Variants in MYRF observed in about 807,000 individuals in gnomAD.
MYRF encodes myelin regulatory factor, also known as myelin gene regulatory factor.
Under a neutral mutation model 126.3 loss-of-function variants are expected in MYRF, and 16 were observed. The observed-to-expected ratio is 0.13, with a 90% CI of 0.09 to 0.19. The LOEUF is 0.19. Ranked by LOEUF, MYRF falls within the 10% of genes least tolerant of loss-of-function variation. The pLI, the probability that MYRF is intolerant of heterozygous loss-of-function variation, is 1.00. For synonymous variants in MYRF, 608 were observed against 635.3 expected (o/e 0.96, Z 0.65); for missense variants, 1,104 against 1,547.0 (o/e 0.71, Z 4.80).
Position 61,783,795 on chromosome 11 carries a change from G to C in MYRF, c.3120-56G>C. Reference sequence around the variant, plus strand: ...GATTGGGGGCTGAGGAGTCCCTGGTGGGGGTGGGGGGTGGCAGGGTACCCT... The same window carrying C: ...GATTGGGGGCTGAGGAGTCCCTGGTCGGGGTGGGGGGTGGCAGGGTACCCT... On this transcript the variant is annotated intron_variant, in intron 23 of 26. Coordinates refer to ENST00000278836, the MANE Select transcript of MYRF (RefSeq NM_001127392.3). This position sits in a 1 kb window ranked among gnomAD's most constrained non-coding sequence, Gnocchi z 4.6. 3 of 1,522,274 alleles carry C rather than the reference G, an allele frequency of 2.0e-6. No homozygotes were observed. Among genetic ancestry groups the C allele is most frequent in the Non-Finnish European group, 1.8e-6 (2 of 1,119,298 alleles). 94.3% of individuals were successfully genotyped at this position (1,522,274 alleles called of 1,614,324 possible).
Position 61,770,270 on chromosome 11 carries a change from C to G in MYRF, c.485C>G (p.Thr162Ser). ...GAGCCCCACCTCCTGCGCACGATAA[C>G]CCCTGAGACACTGTGCCACGTGGGA... is the stretch of plus-strand genomic sequence containing the variant. ...VNEPHLLRTITPETLCHVGVP... is the reference protein window; with the variant it reads ...VNEPHLLRTISPETLCHVGVP... Residue 162 changes from threonine to serine, a missense_variant, in exon 5 of 27, where the codon ACC becomes AGC. Physicochemically the swap from Thr to Ser is moderately conservative, Grantham distance 58 (BLOSUM62 1). Around this residue, in one of 10 missense-constraint regions of MYRF, gnomAD observed 368 missense variants for 403.9 expected, o/e 0.91. Coordinates refer to ENST00000278836, the MANE Select transcript of MYRF (RefSeq NM_001127392.3). 1.2e-6 allele frequency: 2 copies of G among 1,608,732 alleles called. No homozygotes were observed. The highest frequency in any genetic ancestry group is 1.7e-6 in the Non-Finnish European group (2 of 1,178,910).
chr11:61,761,259 T>TGGG lies in MYRF; in HGVS notation c.47-4357_47-4355dup, dbSNP rs35744830. 4.0e-3 allele frequency among the ~76,000 whole-genome samples: 309 copies of TGGG among 78,204 alleles called. 1 individual carries two copies. The highest frequency in any genetic ancestry group is 0.01 in the East Asian group (31 of 3,090). The allele number at this position is 78,204 out of a possible 152,430, so 51.3% of individuals were successfully genotyped here. ...AGACTCAGCCAACGGCCACAGCTGG[T>TGGG]GGGGGGGGGGGCACATAAGCACAAG... On this transcript the variant is annotated intron_variant, in intron 1 of 26. Coordinates refer to ENST00000278836, the MANE Select transcript of MYRF (RefSeq NM_001127392.3).
chr11:61,755,686 ACTGCC>A (rs2065731946), intron 1 of MYRF: 4 of 698,130 alleles, frequency 5.7e-6, no homozygotes, highest in Non-Finnish European at 1.1e-5. Context: ...GAAGAAGCTC[ACTGCC>A]CAGCCCTGGG....
In MYRF at chr11:61,785,884, G is replaced by A. The variant is rs199605323; in HGVS notation, c.3375+10G>A. ...CCGGGTGGCACTGCTGGTGAGCAGG[G>A]GCATCCCACCTACCCTGGAGGTCTG... On this transcript the variant is annotated intron_variant, in intron 26 of 26. Transcript: ENST00000278836. 5,400 of 1,613,814 alleles carry A rather than the reference G, an allele frequency of 3.3e-3. 19 individuals carry two copies. Among genetic ancestry groups the A allele is most frequent in the Non-Finnish European group, 4.1e-3 (4,886 of 1,179,706 alleles).
chr11:61,780,079 T>A (rs2066498281), intron 17 of MYRF, 143 bp from the exon 18 acceptor site: 3 of 1,217,744 alleles, frequency 2.5e-6, no homozygotes, highest in Non-Finnish European at 3.5e-6. Flanking sequence ...TGGGCCTTTC[T>A]GCCTCTTCCC....
At position 61,771,545 on chromosome 11, in the gene MYRF, C is replaced by A. The variant is rs148482194; in HGVS notation, c.786C>A (p.Pro262=). 2 of 1,613,902 alleles carry A rather than the reference C, an allele frequency of 1.2e-6. No individual in the cohort carries two copies. The highest frequency in any genetic ancestry group is 2.2e-5 in the East Asian group (1 of 44,876). The change falls in exon 6 of 27, where the codon CCC becomes CCA. Residue 262 remains proline, a synonymous_variant. Transcript: ENST00000278836. ...PSKKRKHSES[P]PSTLNAQMLN... ...AGAAGAGGAAGCACTCTGAATCCCCCCCCAGCACCCTCAATGCCCAGATGC... is the reference window on the plus strand; with the variant it reads ...AGAAGAGGAAGCACTCTGAATCCCCACCCAGCACCCTCAATGCCCAGATGC...
intron 1 of MYRF, among the ~76,000 whole-genome samples, chr11:61,758,695 G>A (rs1316896580): frequency 6.6e-6 from 1 of 152,206 alleles, no homozygotes; most frequent in Admixed American, 6.5e-5. Flanking sequence ...TTTTGCACCG[G>A]CTGTCCCCGC....
At chr11:61,766,932 A>C in intron 3 of MYRF, 1 of 446,208 alleles carries the variant, frequency 2.2e-6, no homozygotes, top group Non-Finnish European at 4.5e-6. Flanking sequence ...AGGTGCATGA[A>C]CTCTGTGTTC....
rs757746361 is a variant in MYRF, at chr11:61,780,243, G to A, written c.2358G>A (p.Leu786=). The stretch of plus-strand genomic sequence containing the variant: ...CCAGCGTGGTGTCCATGTCCACACT[G>A]TACGTGCTGAGCCTGCGCACAGAGG... ...MAFSVVSMST[L]YVLSLRTEED... The change falls in exon 18 of 27, where the codon CTG becomes CTA. Residue 786 remains leucine, a synonymous_variant. Transcript: ENST00000278836. 4.4e-5 allele frequency: 71 copies of A among 1,614,012 alleles called. No individual in the cohort carries two copies. The highest frequency in any genetic ancestry group is 5.9e-5 in the Non-Finnish European group (70 of 1,180,008).
At chr11:61,756,068 A>G (rs2065743323) in intron 1 of MYRF, among the ~76,000 whole-genome samples, 1 of 152,102 alleles carries the variant, frequency 6.6e-6, no homozygotes, top group Admixed American at 6.5e-5. Flanking sequence ...TGATTTTTTA[A>G]CCATCAAACA....
At chr11:61,753,837 G>A (rs1035227272) in intron 1 of MYRF, among the ~76,000 whole-genome samples, 2 of 152,164 alleles carry the variant, frequency 1.3e-5, no homozygotes, top group Admixed American at 1.3e-4. Flanking sequence ...GTTCTGGAGG[G>A]ATGGGACCGC....
At position 61,786,310 on chromosome 11, in the gene MYRF, C is replaced by G; in HGVS notation, c.*167C>G. On this transcript the variant is annotated 3_prime_UTR_variant, in exon 27 of 27. Transcript: ENST00000278836. This position sits in a 1 kb window ranked among gnomAD's most constrained non-coding sequence, Gnocchi z 4.5. ...AAGTCTTCACACTGGAGTTGCTGTT[C>G]CAGCTGGTCGCCCCTCACGGCACAG... The G allele has an allele frequency of 1.4e-6, 1 of 689,690 alleles. No individual in the cohort carries two copies. 42.7% of individuals were successfully genotyped at this position (689,690 alleles called of 1,614,324 possible).
At position 61,776,017 on chromosome 11, in the gene MYRF, A is replaced by G. The variant is rs1396988444; in HGVS notation, c.1312-39A>G. 5.0e-6 allele frequency: 8 copies of G among 1,600,132 alleles called. No homozygotes were observed. The highest frequency in any genetic ancestry group is 2.7e-5 in the African/African-American group (2 of 74,526). On this transcript the variant is annotated intron_variant, in intron 8 of 26. Coordinates refer to ENST00000278836, the MANE Select transcript of MYRF (RefSeq NM_001127392.3). The surrounding 1 kb of genome is among the most constrained non-coding windows in gnomAD (Gnocchi z 4.3). ...GGCAGGAGGGCAGGACCAGCCGGGT[A>G]GCCCCATCCTGAGGTGCCACTGGCT...
intron 14 of MYRF, 177 bp from the exon 15 acceptor site, chr11:61,779,086 G>A: frequency 3.0e-6 from 2 of 665,726 alleles, no homozygotes; most frequent in South Asian, 3.6e-5. Context: ...CACAGGAGCT[G>A]TGGGAGCCGA....
chr11:61,783,879 G>A lies in MYRF; in HGVS notation c.3148G>A (p.Val1050Ile), dbSNP rs754539799. The A allele has an allele frequency of 1.2e-6, 2 of 1,609,552 alleles. No individual in the cohort carries two copies. Among genetic ancestry groups the A allele is most frequent in the South Asian group, 2.2e-5 (2 of 90,188 alleles). ...RPGNFTYHIP[V>I]SSGTPLHLSL... The stretch of plus-strand genomic sequence containing the variant: ...TGGGAACTTCACCTACCACATCCCT[G>A]TCAGTAGTGGCACCCCACTGCACCT... The change falls in exon 24 of 27, where the codon GTC (valine) becomes ATC (isoleucine). Residue 1050 changes from valine to isoleucine, a missense_variant. By Grantham distance (29) the Val-to-Ile change is conservative. This residue lies in a region of MYRF where 94 missense variants were observed against 164.6 expected (regional missense o/e 0.57). Transcript: ENST00000278836. This position sits in a 1 kb window ranked among gnomAD's most constrained non-coding sequence, Gnocchi z 4.6.
intron 16 of MYRF, 78 bp from the exon 17 acceptor site, chr11:61,779,764 C>A: frequency 7.0e-7 from 1 of 1,422,096 alleles, no homozygotes; most frequent in East Asian, 2.4e-5. Flanking sequence ...AACCGCTCCT[C>A]CGACCTCCAG....
Position 61,757,415 on chromosome 11 carries a change from TG to T in MYRF, c.46+4629del, listed in dbSNP as rs2065789792. ...GGCAGGGCCTCCGTCCCAGGGTTTC[TG>T]GGGTGATTAGGTAAGATTGTGCCTG... is the stretch of plus-strand genomic sequence containing the variant. On this transcript the variant is annotated intron_variant, in intron 1 of 26. Coordinates refer to ENST00000278836, the MANE Select transcript of MYRF (RefSeq NM_001127392.3). The surrounding 1 kb of genome is among the most constrained non-coding windows in gnomAD (Gnocchi z 4.7). 1 of 452,066 alleles carries T rather than the reference TG, an allele frequency of 2.2e-6. No homozygotes were observed. The highest frequency in any genetic ancestry group is 4.5e-6 in the Non-Finnish European group (1 of 223,692). The allele number at this position is 452,066 out of a possible 1,614,324, so 28.0% of individuals were successfully genotyped here.
At chr11:61,756,312 G>A (rs750114544) in intron 1 of MYRF, among the ~76,000 whole-genome samples, 7 of 152,118 alleles carry the variant, frequency 4.6e-5, no homozygotes, top group Non-Finnish European at 7.4e-5. Context: ...GGGGTTGAGG[G>A]GGCTACCTGT....
intron 1 of MYRF, chr11:61,755,463 G>A (rs2065725217): frequency 6.2e-7 from 1 of 1,608,704 alleles, no homozygotes; most frequent in East Asian, 2.2e-5. Context: ...CATGGTATAA[G>A]GGGGCTTTGG....
Sources: allele counts gnomAD v4.1 joint callset (sites outside exome capture counted in the v4.1 genomes callset), GRCh38; gene constraint gnomAD v4.1.1; regional missense constraint gnomAD v4.1.1; non-coding constraint Gnocchi (gnomAD v3.1); transcripts MANE v1.5; gene names NCBI Gene and HGNC (gene_info 2026-07-23, HGNC 2026-07-21).